Variants in TRIM42 observed in about 807,000 individuals in gnomAD.
The protein encoded by TRIM42 is tripartite motif containing 42.
Under a neutral mutation model 64.9 loss-of-function variants are expected in TRIM42, and 59 were observed. That is an observed-to-expected ratio of 0.91 (90% CI 0.74 to 1.13). TRIM42 has a LOEUF of 1.13. Among genes scored for constraint, TRIM42 ranks in the 50% most tolerant of loss-of-function variants. The pLI is 0.00. For synonymous variants in TRIM42, 354 were observed against 346.3 expected (o/e 1.02, Z -0.25); for missense variants, 878 against 929.5 (o/e 0.94, Z 0.72).
At chr3:140,686,022 T>C (rs887716552) in intron 2 of TRIM42, among the ~76,000 whole-genome samples, 1 of 152,230 alleles carries the variant, frequency 6.6e-6, no homozygotes, top group African/African-American at 2.4e-5. Flanking sequence ...AGGTTTCATA[T>C]TTGCAGAGGT....
In TRIM42 at chr3:140,688,368, C is replaced by T. The variant is rs976479826; in HGVS notation, c.1686C>T (p.Ala562=). Reference sequence around the variant, plus strand: ...AGGCCTGTGGGAGAGCCCAGTCAGCCACCCCCGCCAAACCCACAGACGGCC... The same window carrying T: ...AGGCCTGTGGGAGAGCCCAGTCAGCTACCCCCGCCAAACCCACAGACGGCC... ...GLEACGRAQS[A]TPAKPTDGLY... is the part of the protein sequence containing the mutation. Residue 562 remains alanine, a synonymous_variant, in exon 3 of 5, where the codon GCC becomes GCT. Transcript: ENST00000286349. 4 of 1,614,138 alleles carry T rather than the reference C, an allele frequency of 2.5e-6. No homozygotes were observed. Among genetic ancestry groups the T allele is most frequent in the Middle Eastern group, 3.3e-4 (2 of 6,062 alleles).
Position 140,684,819 on chromosome 3 carries a change from C to T in TRIM42, c.1039+1660C>T, listed in dbSNP as rs549876179. On this transcript the variant is annotated intron_variant, in intron 2 of 4. Transcript: ENST00000286349. ...CCCTAGGCCAGGGCTTGGCTGGATT[C>T]TTTGGGTCCTCAGCATGGTGAAGGC... Among the ~76,000 whole-genome samples, 7 of 152,322 alleles carry T rather than the reference C, an allele frequency of 4.6e-5. No homozygotes were observed. The East Asian group carries it at 1.4e-3, about 29-fold the overall frequency.
intron 2 of TRIM42, among the ~76,000 whole-genome samples, chr3:140,683,808 A>G (rs535059632): frequency 6.6e-6 from 1 of 152,210 alleles, no homozygotes; most frequent in Non-Finnish European, 1.5e-5. Flanking sequence ...TTTCCTCTGC[A>G]TGCTTGTTCA....
At chr3:140,693,164 G>T (rs1167781095) in intron 4 of TRIM42, among the ~76,000 whole-genome samples, 1 of 152,212 alleles carries the variant, frequency 6.6e-6, no homozygotes, top group African/African-American at 2.4e-5. Context: ...ATTAAAGAGT[G>T]AAGAAATAAA....
chr3:140,697,504 A>G (rs190588490), intron 4 of TRIM42, among the ~76,000 whole-genome samples: 27 of 152,008 alleles, frequency 1.8e-4, no homozygotes, highest in African/African-American at 6.5e-4. Flanking sequence ...ATCCATCCAG[A>G]CTCTGCCTTT....
At chr3:140,692,145 C>T (rs900335079) in intron 4 of TRIM42, among the ~76,000 whole-genome samples, 1 of 152,084 alleles carries the variant, frequency 6.6e-6, no homozygotes, top group Non-Finnish European at 1.5e-5. Flanking sequence ...CTTCCTCTCT[C>T]CCTGCTTCCT....
At position 140,700,918 on chromosome 3, in the gene TRIM42, C is replaced by G. The variant is rs749927472; in HGVS notation, c.2116C>G (p.Arg706Gly). 1 of 1,614,006 alleles carries G rather than the reference C, an allele frequency of 6.2e-7. No individual in the cohort carries two copies. Among genetic ancestry groups the G allele is most frequent in the Admixed American group, 1.7e-5 (1 of 60,010 alleles). Reference sequence around the variant, plus strand: ...AACACCAGATGGACATGGGAAGAACCGAGCTAAGTGGGGCCTGCTGAAGAA... The same window carrying G: ...AACACCAGATGGACATGGGAAGAACGGAGCTAAGTGGGGCCTGCTGAAGAA... ...VVTPDGHGKN[R>G]AKWGLLKNIQ... Residue 706 changes from arginine to glycine, a missense_variant, in exon 5 of 5, where the codon CGA (arginine) becomes GGA (glycine). By Grantham distance (125) the Arg-to-Gly change is moderately radical. Transcript: ENST00000286349.
rs1311062143 is a variant in TRIM42 at position 140,688,359 on chromosome 3, C to A, written c.1677C>A (p.Ala559=). The change falls in exon 3 of 5, where the codon GCC becomes GCA. Residue 559 remains alanine, a synonymous_variant. Transcript: ENST00000286349. ...TGGGTCTGGAGGCCTGTGGGAGAGC[C>A]CAGTCAGCCACCCCCGCCAAACCCA... The part of the protein sequence containing the change: ...AKVGLEACGR[A]QSATPAKPTD... The A allele has an allele frequency of 6.2e-7, 1 of 1,614,118 alleles. No individual in the cohort carries two copies. The highest frequency in any genetic ancestry group is 8.5e-7 in the Non-Finnish European group (1 of 1,180,008).
intron 4 of TRIM42, among the ~76,000 whole-genome samples, chr3:140,696,352 G>A (rs1422706567): frequency 6.6e-6 from 1 of 151,826 alleles, no homozygotes; most frequent in Non-Finnish European, 1.5e-5. Flanking sequence ...TGTTGTTATG[G>A]GCATTTTGTC....
chr3:140,690,823 G>A (rs1988689333), intron 3 of TRIM42, 145 bp from the exon 4 acceptor site: 1 of 630,788 alleles, frequency 1.6e-6, no homozygotes, highest in African/African-American at 1.8e-5. Flanking sequence ...ACTTGTGCAT[G>A]GTCTAATTAA....
intron 1 of TRIM42, among the ~76,000 whole-genome samples, chr3:140,682,257 C>T (rs370687590): frequency 6.6e-6 from 1 of 152,074 alleles, no homozygotes. Flanking sequence ...GGAAACAGGC[C>T]GAGAGGTTAA....
At chr3:140,685,116 T>C (rs1988517156) in intron 2 of TRIM42, among the ~76,000 whole-genome samples, 1 of 152,210 alleles carries the variant, frequency 6.6e-6, no homozygotes, top group Admixed American at 6.5e-5. Flanking sequence ...ACACAAAAAT[T>C]TTTTAACCAG....
In TRIM42 at chr3:140,687,803, A is replaced by T; in HGVS notation, c.1121A>T (p.Lys374Ile). The T allele has an allele frequency of 6.2e-7, 1 of 1,614,258 alleles. No individual in the cohort carries two copies. Among genetic ancestry groups the T allele is most frequent in the Non-Finnish European group, 8.5e-7 (1 of 1,180,048 alleles). ...SFKADKEAKRKEIRNGFLKLR... is the reference protein window; with the variant it reads ...SFKADKEAKRIEIRNGFLKLR... ...AAAGCTGACAAGGAGGCAAAGCGAA[A>T]AGAGATCAGAAATGGCTTTCTCAAG... Residue 374 changes from lysine to isoleucine, a missense_variant, in exon 3 of 5, where the codon AAA becomes ATA. By Grantham distance (102) the Lys-to-Ile change is moderately radical. Coordinates refer to ENST00000286349, the MANE Select transcript of TRIM42 (RefSeq NM_152616.5).
chr3:140,691,585 T>C (rs1157897201), intron 4 of TRIM42, among the ~76,000 whole-genome samples: 3 of 152,206 alleles, frequency 2.0e-5, no homozygotes, highest in East Asian at 1.9e-4. Context: ...GGGTGCCAGA[T>C]TTAACTAATG....
intron 4 of TRIM42, among the ~76,000 whole-genome samples, chr3:140,698,819 A>G (rs73868014): frequency 5.4e-4 from 82 of 152,200 alleles, no homozygotes; most frequent in African/African-American, 1.9e-3. Flanking sequence ...TCTCCTATAA[A>G]GAATGATGGT....
intron 4 of TRIM42, among the ~76,000 whole-genome samples, chr3:140,698,354 T>C (rs1205957847): frequency 2.0e-5 from 3 of 152,216 alleles, no homozygotes; most frequent in Non-Finnish European, 2.9e-5. Context: ...TAGTCTATGT[T>C]CTTTACTGGG....
intron 4 of TRIM42, among the ~76,000 whole-genome samples, chr3:140,699,319 A>T (rs1430942812): frequency 6.6e-6 from 1 of 152,166 alleles, no homozygotes; most frequent in Non-Finnish European, 1.5e-5. Context: ...CTGGTTCTGG[A>T]ATCAATATTT....
At chr3:140,680,938 G>T (rs947267425) in intron 1 of TRIM42, among the ~76,000 whole-genome samples, 1 of 152,182 alleles carries the variant, frequency 6.6e-6, no homozygotes, top group Non-Finnish European at 1.5e-5. Context: ...AAGCAAAAAG[G>T]AACACAGCCG....
Position 140,678,508 on chromosome 3 carries a change from C to A in TRIM42, c.279C>A (p.Ser93Arg). 1 of 1,614,118 alleles carries A rather than the reference C, an allele frequency of 6.2e-7. No individual in the cohort carries two copies. The highest frequency in any genetic ancestry group is 8.5e-7 in the Non-Finnish European group (1 of 1,180,026). ...ATCTCAACTGCTACTACTATGAGAG[C>A]CGCTGCTGCCGCAATACCATCATCA... ...SSNLNCYYYESRCCRNTIITF... is the reference protein window; with the variant it reads ...SSNLNCYYYERRCCRNTIITF... Residue 93 changes from serine (S) to arginine (R), a missense_variant, in exon 1 of 5, where the codon AGC becomes AGA. By Grantham distance (110) the Ser-to-Arg change is moderately radical. Coordinates refer to ENST00000286349, the MANE Select transcript of TRIM42 (RefSeq NM_152616.5).
Sources: gnomAD v4.1 joint callset for allele counts (sites outside exome capture counted in the v4.1 genomes callset) on GRCh38, gnomAD v4.1.1 for gene constraint, MANE v1.5 for transcripts, NCBI Gene and HGNC (gene_info 2026-07-23, HGNC 2026-07-21) for gene names.